The following NRG1 variants were observed in gnomAD, a reference collection of about 807,000 sequenced individuals.
The protein encoded by NRG1 is pro-neuregulin-1, membrane-bound isoform.
In NRG1, 18 loss-of-function variants were observed where a neutral mutation model predicts 63.8. That is an observed-to-expected ratio of 0.28 (90% CI 0.19 to 0.42). The LOEUF (loss-of-function observed/expected upper bound fraction) is 0.42. Among genes scored for constraint, NRG1 ranks in the 10% least tolerant of loss-of-function variants. NRG1 has a pLI of 1.00. For synonymous variants in NRG1, 302 were observed against 301.3 expected, an observed-to-expected ratio of 1.00 and a Z score of -0.02; for missense variants, 762 against 814.7, an observed-to-expected ratio of 0.94 and a Z score of 0.79.
At chr8:32,331,879 C>T (rs1321819925) in intron 1 of NRG1, among the ~76,000 whole-genome samples, 1 of 152,130 alleles carries the variant, frequency 6.6e-6, no homozygotes, top group African/African-American at 2.4e-5. Context: ...TGCCATTAAT[C>T]AGCATCTTAC....
intron 1 of NRG1, among the ~76,000 whole-genome samples, chr8:31,921,396 G>A (rs550356187): frequency 7.9e-5 from 12 of 152,040 alleles, no homozygotes; most frequent in East Asian, 5.8e-4. Context: ...GTTCTTTTTC[G>A]TAATCACACA....
chr8:31,955,505 G>A (rs1804215839), intron 1 of NRG1, among the ~76,000 whole-genome samples: 1 of 152,176 alleles, frequency 6.6e-6, no homozygotes, highest in Non-Finnish European at 1.5e-5. Flanking sequence ...GCTGATTTTT[G>A]CTCCATTGAG....
intron 1 of NRG1, among the ~76,000 whole-genome samples, chr8:31,686,759 GTTGTTT>G (rs142383228): frequency 1.8e-4 from 27 of 151,584 alleles, no homozygotes; most frequent in African/African-American, 5.8e-4. Context: ...GGTCTTTTTT[GTTGTTT>G]TTGTTTTTGT....
intron 1 of NRG1, among the ~76,000 whole-genome samples, chr8:32,325,103 T>C (rs1801838074): frequency 6.6e-6 from 1 of 152,206 alleles, no homozygotes; most frequent in African/African-American, 2.4e-5. Context: ...TATTATGCTG[T>C]TATAAGAAGC....
intron 1 of NRG1, among the ~76,000 whole-genome samples, chr8:31,803,111 C>A (rs1044334316): frequency 1.6e-4 from 25 of 152,098 alleles, no homozygotes; most frequent in African/African-American, 5.8e-4. Flanking sequence ...CTGACTTTTT[C>A]TCCTCTTATT....
At chr8:32,160,600 A>ATG (rs1838719609) in intron 1 of NRG1, among the ~76,000 whole-genome samples, 2 of 152,176 alleles carry the variant, frequency 1.3e-5, no homozygotes, top group African/African-American at 4.8e-5. Context: ...GTGCACACGC[A>ATG]TGTGTGTGTG....
intron 5 of NRG1, among the ~76,000 whole-genome samples, chr8:32,679,355 A>G (rs1420451046): frequency 6.6e-6 from 1 of 152,214 alleles, no homozygotes; most frequent in Admixed American, 6.5e-5. Flanking sequence ...TCTAAATAGT[A>G]GTTTTAATGT....
intron 1 of NRG1, among the ~76,000 whole-genome samples, chr8:31,858,749 C>T (rs1828187523): frequency 6.6e-6 from 1 of 152,204 alleles, no homozygotes; most frequent in Non-Finnish European, 1.5e-5. Context: ...GCAACACCTG[C>T]AGCCAGCATT....
intron 5 of NRG1, among the ~76,000 whole-genome samples, chr8:32,640,705 A>AG (rs1303713446): frequency 6.6e-6 from 1 of 151,960 alleles, no homozygotes; most frequent in Admixed American, 6.6e-5. Flanking sequence ...TGAATTCAAA[A>AG]GGCTTCTGAG....
chr8:31,707,937 C>G (rs1811312902), intron 1 of NRG1, among the ~76,000 whole-genome samples: 1 of 151,978 alleles, frequency 6.6e-6, no homozygotes, highest in African/African-American at 2.4e-5. Context: ...TTGGATTGTA[C>G]CTAGAGATCA....
At chr8:31,711,574 A>G (rs1811749910) in intron 1 of NRG1, among the ~76,000 whole-genome samples, 2 of 152,112 alleles carry the variant, frequency 1.3e-5, no homozygotes, top group African/African-American at 2.4e-5. Context: ...CAATATGTAT[A>G]GTATTATTTT....
chr8:32,629,167 T>TA (rs1179986174), intron 5 of NRG1, among the ~76,000 whole-genome samples: 7 of 152,206 alleles, frequency 4.6e-5, no homozygotes, highest in African/African-American at 1.4e-4. Context: ...TCTGAAATTA[T>TA]AAAAAATGTT....
chr8:32,265,067 G>C (rs953594360), intron 1 of NRG1, among the ~76,000 whole-genome samples: 1 of 152,124 alleles, frequency 6.6e-6, no homozygotes, highest in African/African-American at 2.4e-5. Context: ...GCCGGGTGCA[G>C]TGACTCACGC....
At chr8:31,892,334 C>T (rs1296173123) in intron 1 of NRG1, among the ~76,000 whole-genome samples, 1 of 152,060 alleles carries the variant, frequency 6.6e-6, no homozygotes, top group Non-Finnish European at 1.5e-5. Context: ...GTCTTGTCTT[C>T]CCTTTCAGTT....
At chr8:31,880,388 C>G (rs1484985205) in intron 1 of NRG1, among the ~76,000 whole-genome samples, 1 of 152,040 alleles carries the variant, frequency 6.6e-6, no homozygotes, top group African/African-American at 2.4e-5. Flanking sequence ...CAGCATACGA[C>G]CATGAATTAA....
At chr8:32,246,277 C>G (rs553378711) in intron 1 of NRG1, among the ~76,000 whole-genome samples, 1 of 152,124 alleles carries the variant, frequency 6.6e-6, no homozygotes, top group African/African-American at 2.4e-5. Context: ...AAAAATCAAC[C>G]ATTAAAATAT....
intron 1 of NRG1, among the ~76,000 whole-genome samples, chr8:32,540,018 C>CA (rs1010979584): frequency 4.6e-5 from 7 of 151,584 alleles, no homozygotes; most frequent in African/African-American, 1.2e-4. Flanking sequence ...AACTGATAAA[C>CA]AAAAAAAATC....
intron 1 of NRG1, among the ~76,000 whole-genome samples, chr8:32,510,031 A>G (rs1269494853): frequency 6.6e-6 from 1 of 151,852 alleles, no homozygotes; most frequent in East Asian, 1.9e-4. Flanking sequence ...AAGAGAGAAG[A>G]TTCTTAACTA....
Position 32,482,398 on chromosome 8 carries a change from T to TTGTGTG in NRG1, c.38-113408_38-113403dup, listed in dbSNP as rs10689849. 6.8e-4 allele frequency among the ~76,000 whole-genome samples: 101 copies of TTGTGTG among 148,286 alleles called. 1 individual carries two copies. Among genetic ancestry groups the TTGTGTG allele is most frequent in the South Asian group, 5.1e-3 (24 of 4,666 alleles). The stretch of plus-strand genomic sequence containing the variant: ...GGGGTTGTTTTCTTTCTTTCTACTT[T>TTGTGTG]TGTGTGTGTGTGTGTGTGTGTGTGT... On this transcript the variant is annotated intron_variant, in intron 1 of 10. Coordinates refer to the NRG1 transcript ENST00000519301.
Sources: allele counts gnomAD v4.1 joint callset (sites outside exome capture counted in the v4.1 genomes callset), GRCh38; gene constraint gnomAD v4.1.1; transcripts MANE v1.5; gene names NCBI Gene and HGNC (gene_info 2026-07-23, HGNC 2026-07-21).